Variants in SNX19 observed in about 807,000 individuals in gnomAD.
SNX19 encodes the protein sorting nexin 19.
A neutral mutation model predicts 85.2 loss-of-function variants in SNX19; 60 were observed. The ratio of observed to expected loss-of-function variants is 0.70; its 90% confidence interval spans 0.57 to 0.87. The LOEUF (loss-of-function observed/expected upper bound fraction) is 0.87. Among genes scored for constraint, SNX19 ranks in the 40% least tolerant of loss-of-function variants. The pLI, the probability that SNX19 is intolerant of heterozygous loss-of-function variation, is 0.00. For synonymous variants in SNX19, 520 were observed against 470.0 expected (o/e 1.11, Z -1.38); for missense variants, 1,201 against 1,217.8 (o/e 0.99, Z 0.21).
At chr11:130,913,601 G>A (rs1946313826) in intron 1 of SNX19, among the ~76,000 whole-genome samples, 1 of 152,092 alleles carries the variant, frequency 6.6e-6, no homozygotes, top group South Asian at 2.1e-4. Flanking sequence ...AGTGTGGAAG[G>A]CAAGTAAAAT....
chr11:130,872,747 C>T lies in SNX19; in HGVS notation c.*5675G>A, dbSNP rs1943077440. 6.6e-6 allele frequency among the ~76,000 whole-genome samples: 1 copy of T among 152,168 alleles called. No homozygotes were observed. The highest frequency in any genetic ancestry group is 2.1e-4 in the South Asian group (1 of 4,834). ...TATGGCAGAGTGCGCCCAGTTAGGCCTTCGACTACAAAAGTATCATGGTTT... is the reference window on the plus strand; with the variant it reads ...TATGGCAGAGTGCGCCCAGTTAGGCTTTCGACTACAAAAGTATCATGGTTT... On this transcript the variant is annotated 3_prime_UTR_variant, in exon 11 of 11. Coordinates refer to ENST00000265909, the MANE Select transcript of SNX19 (RefSeq NM_014758.3).
At chr11:130,890,337 G>A (rs1360370997) in intron 8 of SNX19, among the ~76,000 whole-genome samples, 1 of 152,068 alleles carries the variant, frequency 6.6e-6, no homozygotes, top group Non-Finnish European at 1.5e-5. Context: ...TTCTATCAAT[G>A]AAACTCCTCC....
chr11:130,901,380 G>A (rs1054774109), intron 8 of SNX19, among the ~76,000 whole-genome samples: 1 of 152,156 alleles, frequency 6.6e-6, no homozygotes, highest in Non-Finnish European at 1.5e-5. Context: ...GAGAGCAGAT[G>A]CTACAGAAGG....
rs939405736 is a variant in SNX19 at position 130,876,761 on chromosome 11, C to A, written c.*1661G>T. 3 of 152,662 alleles carry A rather than the reference C, an allele frequency of 2.0e-5. No homozygotes were observed. Among genetic ancestry groups the A allele is most frequent in the Non-Finnish European group, 4.4e-5 (3 of 68,074 alleles). 9.5% of individuals were successfully genotyped at this position (152,662 alleles called of 1,614,324 possible). A position where few individuals can be genotyped will look rare whatever the true frequency, so the allele number is the denominator to read the frequency against. On this transcript the variant is annotated 3_prime_UTR_variant, in exon 11 of 11. Transcript: ENST00000265909. ...ACGGAAAGTAGAGATGCTGAGCTACCTTTTCTTGTCAAAGTCTAGGGCTGG... is the reference window on the plus strand; with the variant it reads ...ACGGAAAGTAGAGATGCTGAGCTACATTTTCTTGTCAAAGTCTAGGGCTGG...
chr11:130,897,102 G>A (rs1944929103), intron 8 of SNX19, among the ~76,000 whole-genome samples: 1 of 152,136 alleles, frequency 6.6e-6, no homozygotes, highest in Admixed American at 6.5e-5. Flanking sequence ...CCTTTCCTAG[G>A]AGATGGTTTA....
chr11:130,878,646 G>C, intron 10 of SNX19, 92 bp from the exon 11 acceptor site: 1 of 1,458,872 alleles, frequency 6.9e-7, no homozygotes, highest in Non-Finnish European at 9.2e-7. Context: ...CCCCATCACC[G>C]ACACCCTAAA....
intron 10 of SNX19, 66 bp downstream of exon 10, chr11:130,879,558 T>TG (rs1943505572): frequency 7.2e-7 from 1 of 1,388,762 alleles, no homozygotes. Flanking sequence ...TCAGAAACCT[T>TG]GGATACCTCT....
intron 8 of SNX19, among the ~76,000 whole-genome samples, chr11:130,886,514 C>T (rs1944083749): frequency 6.6e-6 from 1 of 152,086 alleles, no homozygotes. Context: ...TCCCCATCTC[C>T]ACCCACCCAA....
chr11:130,887,177 C>G (rs1203928136), intron 8 of SNX19, among the ~76,000 whole-genome samples: 1 of 152,120 alleles, frequency 6.6e-6, no homozygotes, highest in East Asian at 1.9e-4. Flanking sequence ...ACATTTATAT[C>G]TAGCCACAAA....
intron 8 of SNX19, among the ~76,000 whole-genome samples, chr11:130,884,034 G>C (rs1409152658): frequency 6.6e-6 from 1 of 152,158 alleles, no homozygotes; most frequent in Non-Finnish European, 1.5e-5. Context: ...CCCAACACCT[G>C]GATGGAACCA....
chr11:130,888,735 G>C (rs552755309), intron 8 of SNX19, among the ~76,000 whole-genome samples: 1 of 152,296 alleles, frequency 6.6e-6, no homozygotes, highest in East Asian at 1.9e-4. Flanking sequence ...AAATGGCAAT[G>C]TTTCTTAATG....
chr11:130,912,023 A>G (rs575036320), intron 1 of SNX19, among the ~76,000 whole-genome samples: 1 of 151,954 alleles, frequency 6.6e-6, no homozygotes, highest in South Asian at 2.1e-4. Flanking sequence ...TTGACTTATA[A>G]AAATGGCTAC....
chr11:130,905,723 G>C, intron 7 of SNX19: 1 of 1,535,788 alleles, frequency 6.5e-7, no homozygotes, highest in Non-Finnish European at 8.7e-7. Context: ...CATCCTGCTG[G>C]ATTAGAACTT....
intron 7 of SNX19, among the ~76,000 whole-genome samples, chr11:130,904,223 C>T (rs1200335922): frequency 6.6e-6 from 1 of 152,164 alleles, no homozygotes; most frequent in Non-Finnish European, 1.5e-5. Context: ...GTCTGATTTG[C>T]CTCCAAGTAT....
chr11:130,915,892 C>A lies in SNX19; in HGVS notation c.48G>T (p.Ser16=). 1 of 1,614,128 alleles carries A rather than the reference C, an allele frequency of 6.2e-7. No individual in the cohort carries two copies. The highest frequency in any genetic ancestry group is 8.5e-7 in the Non-Finnish European group (1 of 1,179,958). ...VPPFQETPAG[S]SCHLNNLLSS... The stretch of plus-strand genomic sequence containing the variant: ...TCAACAGGTTATTGAGGTGACAGCT[C>A]GATCCAGCTGGAGTTTCCTGGAACG... The change falls in exon 1 of 11, where the codon TCG becomes TCT. Residue 16 remains serine (S), a synonymous_variant. Transcript: ENST00000265909.
intron 8 of SNX19, chr11:130,893,932 G>A: frequency 4.6e-6 from 3 of 645,486 alleles, no homozygotes; most frequent in Non-Finnish European, 8.4e-6. Context: ...AGGGCACTTG[G>A]AGAAGCCTGC....
chr11:130,899,588 A>G (rs1945123623), intron 8 of SNX19, among the ~76,000 whole-genome samples: 1 of 152,226 alleles, frequency 6.6e-6, no homozygotes, highest in Admixed American at 6.5e-5. Context: ...ACTGCTAACC[A>G]GATGTGGTCC....
intron 8 of SNX19, chr11:130,881,277 A>G: frequency 6.5e-6 from 1 of 152,788 alleles, no homozygotes; most frequent in Non-Finnish European, 1.5e-5. Context: ...TGCAAAGGAA[A>G]CCAAGACAAT....
rs772040533 is a variant in SNX19, at chr11:130,882,601, GTTA to G, written c.2574-1798_2574-1796del. 3.5e-4 allele frequency among the ~76,000 whole-genome samples: 54 copies of G among 152,336 alleles called. 1 individual carries two copies. The highest frequency in any genetic ancestry group is 6.8e-3 in the Middle Eastern group (2 of 294). On this transcript the variant is annotated intron_variant, in intron 8 of 10. Transcript: ENST00000265909. ...CAAAATAGCCAACACGATCGTATTT[GTTA>G]TTATTAGGGCCGCATCTCCTTTTTA... is the stretch of plus-strand genomic sequence containing the variant.
Sources: allele counts gnomAD v4.1 joint callset (sites outside exome capture counted in the v4.1 genomes callset), GRCh38; gene constraint gnomAD v4.1.1; transcripts MANE v1.5; gene names NCBI Gene and HGNC (gene_info 2026-07-23, HGNC 2026-07-21).